The following GPR137 variants were observed in gnomAD, a reference collection of about 807,000 sequenced individuals.
The protein encoded by GPR137 is G protein-coupled receptor 137.
A neutral mutation model predicts 38.9 loss-of-function variants in GPR137; 20 were observed. The observed-to-expected ratio is 0.51, with a 90% CI of 0.36 to 0.75. The LOEUF is 0.75. Among genes scored for constraint, GPR137 ranks in the 30% least tolerant of loss-of-function variants. The pLI, the probability that GPR137 is intolerant of heterozygous loss-of-function variation, is 0.00. For synonymous variants in GPR137, 226 were observed against 235.8 expected (o/e 0.96, Z 0.38); for missense variants, 456 against 526.4 (o/e 0.87, Z 1.31).
chr11:64,271,779 C>A, upstream of GPR137: 1 of 1,377,344 alleles, frequency 7.3e-7, no homozygotes, highest in South Asian at 1.8e-5. Flanking sequence ...GCTGTGGCGA[C>A]TCCGGATCTC....
chr11:64,281,436 C>T (rs1250519020), upstream of GPR137, among the ~76,000 whole-genome samples: 1 of 152,250 alleles, frequency 6.6e-6, no homozygotes, highest in East Asian at 1.9e-4. Context: ...TCTGACCATG[C>T]TGCCTCTGCT....
At chr11:64,283,012 C>G (rs2033591435), upstream of GPR137, among the ~76,000 whole-genome samples, 1 of 152,244 alleles carries the variant, frequency 6.6e-6, no homozygotes, top group South Asian at 2.1e-4. Context: ...TGAGATCGCA[C>G]CTCTGTACTC....
At position 64,288,896 on chromosome 11, in the gene GPR137, T is replaced by C. The variant is rs749227215; in HGVS notation, c.1032-141T>C. 2 of 1,439,996 alleles carry C rather than the reference T, an allele frequency of 1.4e-6. No homozygotes were observed. The highest frequency in any genetic ancestry group is 2.5e-5 in the East Asian group (1 of 40,128). 89.2% of individuals were successfully genotyped at this position (1,439,996 alleles called of 1,614,324 possible). A position where few individuals can be genotyped will look rare whatever the true frequency, so the allele number is the denominator to read the frequency against. Reference sequence around the variant, plus strand: ...GGTTCCTATTGCTAAAGCCTCCACCTCTTGCCTAGAGATGTACTTTGTCCT... The same window carrying C: ...GGTTCCTATTGCTAAAGCCTCCACCCCTTGCCTAGAGATGTACTTTGTCCT... On this transcript the variant is annotated intron_variant, in intron 6 of 6. Coordinates refer to ENST00000438980, the MANE Select transcript of GPR137 (RefSeq NM_001170880.2). This position sits in a 1 kb window ranked among gnomAD's most constrained non-coding sequence, Gnocchi z 5.5.
At chr11:64,285,462 C>T (rs1338402941), upstream of GPR137, 15 of 983,504 alleles carry the variant, frequency 1.5e-5, no homozygotes, top group Admixed American at 6.2e-5. Context: ...GGCCCGGGGG[C>T]GGGGCCCGGG....
At position 64,289,215 on chromosome 11, in the gene GPR137, A is replaced by G; in HGVS notation, c.*19A>G. On this transcript the variant is annotated 3_prime_UTR_variant, in exon 7 of 7. Transcript: ENST00000438980. ...GACGTGATCCCCCTCCCTCCCCCAC[A>G]GAATACCCAGGCCCCAGTCCCCCTC... The G allele has an allele frequency of 6.4e-7, 1 of 1,554,280 alleles. No individual in the cohort carries two copies. Among genetic ancestry groups the G allele is most frequent in the Admixed American group, 1.7e-5 (1 of 59,112 alleles).
Position 64,289,307 on chromosome 11 carries a change from C to T in GPR137, c.*111C>T, listed in dbSNP as rs775383976. 1 of 1,612,650 alleles carries T rather than the reference C, an allele frequency of 6.2e-7. No individual in the cohort carries two copies. The highest frequency in any genetic ancestry group is 8.5e-7 in the Non-Finnish European group (1 of 1,179,492). On this transcript the variant is annotated 3_prime_UTR_variant, in exon 7 of 7. Coordinates refer to ENST00000438980, the MANE Select transcript of GPR137 (RefSeq NM_001170880.2). ...CAGGATCCTGGGGGTCGTGGCTACC[C>T]CCTCCTCTGGCCGGCTCCTTGCTGC... is the stretch of plus-strand genomic sequence containing the variant.
upstream of GPR137, among the ~76,000 whole-genome samples, chr11:64,273,144 G>A (rs1247472847): frequency 1.3e-5 from 2 of 152,170 alleles, no homozygotes; most frequent in African/African-American, 2.4e-5. Context: ...CAAGGCAGGT[G>A]GATCACCTGA....
chr11:64,286,178 C>G lies in GPR137; in HGVS notation c.-347C>G, dbSNP rs1163437494. The G allele has an allele frequency of 4.0e-5, 43 of 1,069,598 alleles. 1 individual carries two copies. Among genetic ancestry groups the G allele is most frequent in the Non-Finnish European group, 4.9e-5 (43 of 883,978 alleles). The allele number at this position is 1,069,598 out of a possible 1,614,324, so 66.3% of individuals were successfully genotyped here. A position where few individuals can be genotyped will look rare whatever the true frequency, so the allele number is the denominator to read the frequency against. Reference sequence around the variant, plus strand: ...CCTCCACCCAGGACGACATGAACGACCGAGGCCAGGGAGTCCTCTCCTTGG... The same window carrying G: ...CCTCCACCCAGGACGACATGAACGAGCGAGGCCAGGGAGTCCTCTCCTTGG... On this transcript the variant is annotated 5_prime_UTR_variant, in exon 1 of 7. Coordinates refer to ENST00000438980, the MANE Select transcript of GPR137 (RefSeq NM_001170880.2).
chr11:64,275,596 A>G (rs2033001191), upstream of GPR137: 1 of 152,130 alleles, frequency 6.6e-6, no homozygotes, highest in Non-Finnish European at 1.5e-5. Context: ...TGTACAGATG[A>G]GGAAACAGAG....
intron 2 of GPR137, among the ~76,000 whole-genome samples, chr11:64,277,662 C>A (rs999033230): frequency 5.9e-5 from 9 of 152,146 alleles, no homozygotes; most frequent in Non-Finnish European, 1.0e-4. Flanking sequence ...TGGTCTCGAA[C>A]TCCTGAGCTC....
upstream of GPR137, chr11:64,284,353 CTG>C: frequency 1.2e-6 from 2 of 1,612,978 alleles, no homozygotes; most frequent in Non-Finnish European, 1.7e-6. Flanking sequence ...GGCTCAAACT[CTG>C]GGATCTGGAA....
At chr11:64,276,924 C>T in intron 2 of GPR137, 4 of 761,594 alleles carry the variant, frequency 5.3e-6, no homozygotes, top group Non-Finnish European at 7.3e-6. Flanking sequence ...ACATTCTCTG[C>T]GTGTTGGGCT....
upstream of GPR137, among the ~76,000 whole-genome samples, chr11:64,273,666 G>A (rs2032811940): frequency 6.6e-6 from 1 of 151,870 alleles, no homozygotes; most frequent in Non-Finnish European, 1.5e-5. Flanking sequence ...GAGATCACGA[G>A]GTCAGGAGTT....
chr11:64,272,987 A>C (rs758953675), upstream of GPR137: 2 of 152,230 alleles, frequency 1.3e-5, no homozygotes, highest in African/African-American at 2.4e-5. Context: ...GCACTTTGGG[A>C]GGCTGAGGCA....
upstream of GPR137, among the ~76,000 whole-genome samples, chr11:64,273,381 A>G (rs1292973912): frequency 1.3e-5 from 2 of 152,100 alleles, no homozygotes; most frequent in African/African-American, 4.8e-5. Context: ...TCAAATAATA[A>G]TAATAATAAC....
upstream of GPR137, among the ~76,000 whole-genome samples, chr11:64,274,389 G>GAAA (rs58134629): frequency 9.5e-6 from 1 of 105,502 alleles, no homozygotes. Flanking sequence ...TCTACCTCGA[G>GAAA]AAAAAAAAAA....
chr11:64,277,307 G>A (rs993193711), intron 2 of GPR137, among the ~76,000 whole-genome samples: 10 of 152,300 alleles, frequency 6.6e-5, no homozygotes, highest in Middle Eastern at 3.4e-3. Context: ...GTCCGCCTCC[G>A]GCACCTGTAG....
chr11:64,288,250 C>T lies in GPR137; in HGVS notation c.783+36C>T, dbSNP rs752140515. The T allele has an allele frequency of 4.3e-6, 7 of 1,609,910 alleles. No individual in the cohort carries two copies. Among genetic ancestry groups the T allele is most frequent in the Admixed American group, 1.7e-5 (1 of 59,936 alleles). ...GCATGTCTGCCACCTCCTTAGTAGCCGTGGCACCTTGGCCCCAGCTGGCCT... is the reference window on the plus strand; with the variant it reads ...GCATGTCTGCCACCTCCTTAGTAGCTGTGGCACCTTGGCCCCAGCTGGCCT... On this transcript the variant is annotated intron_variant, in intron 4 of 6. Coordinates refer to ENST00000438980, the MANE Select transcript of GPR137 (RefSeq NM_001170880.2). This position sits in a 1 kb window ranked among gnomAD's most constrained non-coding sequence, Gnocchi z 5.5.
rs776832040 is a variant in GPR137 at position 64,287,798 on chromosome 11, A to G, written c.485A>G (p.His162Arg). ...LVNVLCAVLS[H>R]RRRAQPWALL... ...AACGTGCTGTGTGCTGTGCTCTCCC[A>G]TCGGCGCCGGGCACAGCCCTGGGCC... Residue 162 changes from histidine to arginine, a missense_variant, in exon 3 of 7, where the codon CAT becomes CGT. By Grantham distance (29) the His-to-Arg change is conservative (BLOSUM62 0). Transcript: ENST00000438980. The G allele has an allele frequency of 7.5e-5, 121 of 1,607,068 alleles. No individual in the cohort carries two copies. In the East Asian group the frequency reaches 2.6e-3, roughly 35 times the overall value.
Sources: gnomAD v4.1 joint callset for allele counts (sites outside exome capture counted in the v4.1 genomes callset) on GRCh38, gnomAD v4.1.1 for gene constraint, Gnocchi (gnomAD v3.1) non-coding constraint, MANE v1.5 for transcripts, NCBI Gene and HGNC (gene_info 2026-07-23, HGNC 2026-07-21) for gene names.